DENND2B: variants seen among roughly 807,000 people sequenced by gnomAD.
DENND2B encodes DENN domain containing 2B.
A neutral mutation model predicts 116.0 loss-of-function variants in DENND2B; 32 were observed. The observed-to-expected ratio is 0.28, with a 90% CI of 0.21 to 0.37. DENND2B has a LOEUF of 0.37. Ranked by LOEUF, DENND2B falls within the 10% of genes least tolerant of loss-of-function variation. The pLI is 1.00. For missense variants in DENND2B, 1,276 were observed against 1,477.7 expected, an observed-to-expected ratio of 0.86 and a Z score of 2.24; for synonymous variants, 588 against 583.9, an observed-to-expected ratio of 1.01 and a Z score of -0.10.
intron 1 of DENND2B, among the ~76,000 whole-genome samples, chr11:8,886,881 T>C (rs1384845450): frequency 6.6e-6 from 1 of 152,070 alleles, no homozygotes; most frequent in Non-Finnish European, 1.5e-5. Flanking sequence ...CAGGCTGGAG[T>C]GCAATGGTGC....
intron 1 of DENND2B, chr11:8,809,180 G>A (rs2061157276): frequency 6.6e-6 from 1 of 152,230 alleles, no homozygotes; most frequent in Non-Finnish European, 1.5e-5. Context: ...CCAGGGCCAT[G>A]GAGTTCACCC....
At chr11:8,797,853 G>A (rs750060493) in intron 1 of DENND2B, among the ~76,000 whole-genome samples, 21 of 151,788 alleles carry the variant, frequency 1.4e-4, no homozygotes, top group Admixed American at 1.2e-3. Context: ...CCTCCACCCC[G>A]ACACCCCCTT....
chr11:8,737,466 T>A (rs1222423873), intron 2 of DENND2B, among the ~76,000 whole-genome samples: 1 of 151,800 alleles, frequency 6.6e-6, no homozygotes, highest in African/African-American at 2.4e-5. Flanking sequence ...AACATGGAGG[T>A]CACTGTGACC....
At chr11:8,839,044 A>G (rs2062531715) in intron 4 of DENND2B, among the ~76,000 whole-genome samples, 1 of 152,240 alleles carries the variant, frequency 6.6e-6, no homozygotes, top group Non-Finnish European at 1.5e-5. Context: ...GCAAAACATT[A>G]ACTTTCCAGT....
intron 1 of DENND2B, among the ~76,000 whole-genome samples, chr11:8,772,615 G>T (rs1027477978): frequency 8.5e-5 from 13 of 152,098 alleles, no homozygotes; most frequent in Non-Finnish European, 1.2e-4. Flanking sequence ...GTGTGGGTGT[G>T]TGTGAGAGAG....
chr11:8,775,282 C>A (rs766677400), intron 1 of DENND2B, among the ~76,000 whole-genome samples: 65 of 152,080 alleles, frequency 4.3e-4, no homozygotes, highest in Admixed American at 7.2e-4. Context: ...AAATCACTCA[C>A]AAGAATGTCA....
chr11:8,756,329 G>C (rs370012824), intron 1 of DENND2B, among the ~76,000 whole-genome samples: 4 of 152,318 alleles, frequency 2.6e-5, no homozygotes, highest in African/African-American at 9.6e-5. Context: ...TACTAAGAAA[G>C]AGAAATGTAG....
intron 4 of DENND2B, among the ~76,000 whole-genome samples, chr11:8,819,439 AC>A (rs1488499173): frequency 2.0e-5 from 3 of 152,214 alleles, no homozygotes; most frequent in African/African-American, 7.2e-5. Flanking sequence ...TATTTGTGTA[AC>A]CTCAAAGTAT....
chr11:8,801,709 C>G (rs1348760360), intron 1 of DENND2B, among the ~76,000 whole-genome samples: 29 of 114,004 alleles, frequency 2.5e-4, no homozygotes, highest in Admixed American at 9.0e-4. Context: ...AAGAAACAAA[C>G]AAACACTCCT....
At chr11:8,716,477 G>A (rs2044818546) in intron 5 of DENND2B, among the ~76,000 whole-genome samples, 1 of 152,166 alleles carries the variant, frequency 6.6e-6, no homozygotes, top group African/African-American at 2.4e-5. Flanking sequence ...CCTGTCAGGA[G>A]GCAAGTATCC....
At chr11:8,709,000 G>C (rs945866917) in intron 11 of DENND2B, among the ~76,000 whole-genome samples, 13 of 151,504 alleles carry the variant, frequency 8.6e-5, no homozygotes, top group African/African-American at 2.7e-4. Flanking sequence ...CATGCACTGA[G>C]AGCTCCCAGG....
At chr11:8,882,041 C>T (rs1046228892) in intron 1 of DENND2B, among the ~76,000 whole-genome samples, 2 of 152,034 alleles carry the variant, frequency 1.3e-5, no homozygotes, top group Admixed American at 6.6e-5. Flanking sequence ...CCATCCTGGA[C>T]ATCTTATCTA....
intron 2 of DENND2B, among the ~76,000 whole-genome samples, chr11:8,741,024 C>T (rs1185615137): frequency 6.6e-6 from 1 of 152,214 alleles, no homozygotes; most frequent in African/African-American, 2.4e-5. Flanking sequence ...AGCCAAAGGA[C>T]AGGGTGATAC....
intron 3 of DENND2B, among the ~76,000 whole-genome samples, chr11:8,844,969 TG>T (rs1190590304): frequency 6.6e-6 from 1 of 152,164 alleles, no homozygotes; most frequent in African/African-American, 2.4e-5. Flanking sequence ...TTCGAATTAC[TG>T]GCCTCAAGTG....
At chr11:8,872,095 G>A (rs980882140), upstream of DENND2B, among the ~76,000 whole-genome samples, 1 of 152,282 alleles carries the variant, frequency 6.6e-6, no homozygotes, top group East Asian at 1.9e-4. Context: ...AGGCTCCAAG[G>A]CCAGGACATG....
intron 1 of DENND2B, among the ~76,000 whole-genome samples, chr11:8,790,366 C>G (rs2059277299): frequency 6.6e-6 from 1 of 152,156 alleles, no homozygotes; most frequent in Non-Finnish European, 1.5e-5. Context: ...CTATTAAGTT[C>G]CAAGAAGGTA....
chr11:8,775,035 C>T (rs2057439583), intron 1 of DENND2B, among the ~76,000 whole-genome samples: 1 of 151,976 alleles, frequency 6.6e-6, no homozygotes, highest in Admixed American at 6.6e-5. Context: ...GGCCCACCAA[C>T]ACACCTGGCT....
At chr11:8,799,449 C>G (rs1016313818) in intron 1 of DENND2B, among the ~76,000 whole-genome samples, 3 of 152,180 alleles carry the variant, frequency 2.0e-5, no homozygotes, top group African/African-American at 7.2e-5. Context: ...TCAGAACATA[C>G]CAGCCAGAGT....
intron 4 of DENND2B, chr11:8,718,521 G>A: frequency 6.9e-7 from 1 of 1,451,864 alleles, no homozygotes; most frequent in Non-Finnish European, 9.1e-7. Context: ...AGGAGGAAGT[G>A]TTCAGTAATG....
Sources: gnomAD v4.1 joint callset for allele counts (sites outside exome capture counted in the v4.1 genomes callset) on GRCh38, gnomAD v4.1.1 for gene constraint, MANE v1.5 for transcripts, NCBI Gene and HGNC (gene_info 2026-07-23, HGNC 2026-07-21) for gene names.